Variants in ADGRL2 observed in about 807,000 individuals in gnomAD.
ADGRL2 encodes the protein calcium-independent alpha-latrotoxin receptor 2.
Under a neutral mutation model 157.4 loss-of-function variants are expected in ADGRL2, and 44 were observed. The observed-to-expected ratio is 0.28, with a 90% CI of 0.22 to 0.36. The LOEUF is 0.36. Ranked by LOEUF, ADGRL2 falls within the 10% of genes least tolerant of loss-of-function variation. The pLI is 1.00. For synonymous variants in ADGRL2, 585 were observed against 624.7 expected, an observed-to-expected ratio of 0.94 and a Z score of 0.95; for missense variants, 1,510 against 1,768.9, an observed-to-expected ratio of 0.85 and a Z score of 2.63.
chr1:81,503,460 G>A, intron 2 of ADGRL2: 2 of 1,612,068 alleles, frequency 1.2e-6, no homozygotes, highest in Non-Finnish European at 8.5e-7. Context: ...CCACCAGCTG[G>A]TCCCTCTGAT....
chr1:81,764,594 T>C (rs1300484263), intron 2 of ADGRL2, among the ~76,000 whole-genome samples: 4 of 152,062 alleles, frequency 2.6e-5, no homozygotes, highest in African/African-American at 4.8e-5. Context: ...ACTAGAAGGA[T>C]TACTATAAAA....
intron 2 of ADGRL2, among the ~76,000 whole-genome samples, chr1:81,868,059 T>TGGTG (rs950706708): frequency 2.5e-4 from 22 of 89,020 alleles, no homozygotes; most frequent in Non-Finnish European, 5.0e-4. Context: ...TGTGTGTGTG[T>TGGTG]GGTGTGTGTG....
intron 4 of ADGRL2, among the ~76,000 whole-genome samples, chr1:81,940,194 G>T (rs1004127937): frequency 6.6e-6 from 1 of 151,446 alleles, no homozygotes; most frequent in East Asian, 1.9e-4. Context: ...ATTTTAAAAT[G>T]TATTATTTCC....
chr1:81,452,931 A>G (rs969547553), intron 2 of ADGRL2, among the ~76,000 whole-genome samples: 1 of 152,160 alleles, frequency 6.6e-6, no homozygotes, highest in African/African-American at 2.4e-5. Flanking sequence ...AAGACACGGC[A>G]ATATTTTAAA....
In ADGRL2 at chr1:81,990,604, A is replaced by G. The variant is rs751362791; in HGVS notation, c.3869A>G (p.Asn1290Ser). ...NNLRGSSKTH[N>S]LELTLPVKPV... The stretch of plus-strand genomic sequence containing the variant: ...TTACGGGGCAGCAGCAAGACTCACA[A>G]CCTCGAGCTCACGCTACCAGTCAAA... Residue 1290 changes from asparagine to serine, a missense_variant, in exon 24 of 24, where the codon AAC becomes AGC. Physicochemically the swap from Asn to Ser is conservative, Grantham distance 46 (BLOSUM62 1). Coordinates refer to ENST00000686636, the MANE Select transcript of ADGRL2 (RefSeq NM_001366006.2). 3 of 1,614,160 alleles carry G rather than the reference A, an allele frequency of 1.9e-6. No homozygotes were observed. Among genetic ancestry groups the G allele is most frequent in the Non-Finnish European group, 2.5e-6 (3 of 1,180,034 alleles).
chr1:81,568,349 G>A (rs2148484347), intron 2 of ADGRL2, among the ~76,000 whole-genome samples: 1 of 152,180 alleles, frequency 6.6e-6, no homozygotes, highest in Admixed American at 6.6e-5. Flanking sequence ...AAGTTACTCT[G>A]AGCTGAATCA....
intron 2 of ADGRL2, among the ~76,000 whole-genome samples, chr1:81,888,007 C>T (rs1279007326): frequency 6.6e-6 from 1 of 152,038 alleles, no homozygotes. Context: ...GTCAAGCGGC[C>T]TTCTATGCCA....
At chr1:81,429,617 C>T (rs1466843798) in intron 1 of ADGRL2, among the ~76,000 whole-genome samples, 1 of 152,238 alleles carries the variant, frequency 6.6e-6, no homozygotes, top group African/African-American at 2.4e-5. Context: ...TGAAGGAATG[C>T]TGCTAGCAGC....
At chr1:81,562,530 T>A (rs2080466266) in intron 2 of ADGRL2, among the ~76,000 whole-genome samples, 1 of 152,196 alleles carries the variant, frequency 6.6e-6, no homozygotes, top group Non-Finnish European at 1.5e-5. Context: ...ATTTTATTTG[T>A]TTCTACTTAG....
intron 1 of ADGRL2, among the ~76,000 whole-genome samples, chr1:81,739,031 G>A (rs1398798572): frequency 6.6e-6 from 1 of 152,156 alleles, no homozygotes; most frequent in Non-Finnish European, 1.5e-5. Flanking sequence ...CTTTTAGAAA[G>A]AACTTCACAA....
At chr1:81,975,240 C>T (rs1659861086) in intron 17 of ADGRL2, among the ~76,000 whole-genome samples, 1 of 152,052 alleles carries the variant, frequency 6.6e-6, no homozygotes, top group African/African-American at 2.4e-5. Context: ...CTAGTAGTGG[C>T]TTCTGTGTGG....
At chr1:81,366,896 A>G (rs1414714836) in intron 1 of ADGRL2, among the ~76,000 whole-genome samples, 1 of 152,122 alleles carries the variant, frequency 6.6e-6, no homozygotes, top group Non-Finnish European at 1.5e-5. Flanking sequence ...GCATTGCTGT[A>G]TCCCCAGTGG....
intron 2 of ADGRL2, among the ~76,000 whole-genome samples, chr1:81,864,639 G>A (rs2093481817): frequency 6.6e-6 from 1 of 152,000 alleles, no homozygotes; most frequent in Admixed American, 6.6e-5. Context: ...CACCTCCTTG[G>A]ATTTGATTTT....
chr1:81,503,097 G>A, intron 2 of ADGRL2: 6 of 1,611,156 alleles, frequency 3.7e-6, no homozygotes, highest in Non-Finnish European at 4.2e-6. Flanking sequence ...CTGAGAAGAA[G>A]GCGTCGAGGC....
At position 81,496,457 on chromosome 1, in the gene ADGRL2, C is replaced by T. The variant is rs1483729804; in HGVS notation, c.-248+51368C>T. 2.0e-5 allele frequency among the ~76,000 whole-genome samples: 3 copies of T among 152,054 alleles called. No individual in the cohort carries two copies. In the East Asian group the frequency reaches 5.8e-4, roughly 29 times the overall value. On this transcript the variant is annotated intron_variant, in intron 2 of 24. Coordinates refer to the ADGRL2 transcript ENST00000370721. The stretch of plus-strand genomic sequence containing the variant: ...TTCTGATGTCTTAACAGCCTGAATT[C>T]ACCTAGTGACCACCTCTTCTGTGGA...
At position 81,991,173 on chromosome 1, in the gene ADGRL2, A is replaced by G. The variant is rs868093989; in HGVS notation, c.*28A>G. ...ATACAGCTAAGGAATTCCAAGGGCC[A>G]CATGCGAGTATTAATAAATAAAGAC... On this transcript the variant is annotated 3_prime_UTR_variant, in exon 24 of 24. Coordinates refer to ENST00000686636, the MANE Select transcript of ADGRL2 (RefSeq NM_001366006.2). 2 of 1,564,418 alleles carry G rather than the reference A, an allele frequency of 1.3e-6. No individual in the cohort carries two copies. The highest frequency in any genetic ancestry group is 8.7e-7 in the Non-Finnish European group (1 of 1,154,564).
intron 2 of ADGRL2, among the ~76,000 whole-genome samples, chr1:81,496,946 A>AT (rs1335431067): frequency 4.0e-5 from 6 of 151,742 alleles, no homozygotes; most frequent in Non-Finnish European, 7.4e-5. Flanking sequence ...CTACCTGATT[A>AT]TTTTTTTTCT....
At chr1:81,813,677 G>T (rs1276007269) in intron 1 of ADGRL2, among the ~76,000 whole-genome samples, 1 of 151,566 alleles carries the variant, frequency 6.6e-6, no homozygotes, top group African/African-American at 2.4e-5. Context: ...ACAATTATTG[G>T]TAGATACTCT....
At chr1:81,910,421 T>TA (rs1213929105) in intron 3 of ADGRL2, among the ~76,000 whole-genome samples, 1 of 151,826 alleles carries the variant, frequency 6.6e-6, no homozygotes, top group African/African-American at 2.4e-5. Context: ...AGCCCCAGTT[T>TA]ATTATAGAAA....
Sources: gnomAD v4.1 joint callset for allele counts (sites outside exome capture counted in the v4.1 genomes callset) on GRCh38, gnomAD v4.1.1 for gene constraint, MANE v1.5 for transcripts, NCBI Gene and HGNC (gene_info 2026-07-23, HGNC 2026-07-21) for gene names.